Variants in EIF5B observed in about 807,000 individuals in gnomAD.
EIF5B encodes eukaryotic translation initiation factor 5B, also known as eIF-5B.
A neutral mutation model predicts 147.5 loss-of-function variants in EIF5B; 47 were observed. The ratio of observed to expected loss-of-function variants is 0.32; its 90% CI spans 0.25 to 0.41. The LOEUF (loss-of-function observed/expected upper bound fraction) is 0.41. Ranked by LOEUF, EIF5B falls within the 10% of genes least tolerant of loss-of-function variation. EIF5B has a pLI of 1.00. For missense variants in EIF5B, 1,064 were observed against 1,413.2 expected (o/e 0.75, Z 3.96); for synonymous variants, 455 against 456.2 (o/e 1.00, Z 0.03).
intron 1 of EIF5B, among the ~76,000 whole-genome samples, chr2:99,341,838 A>C (rs1574915641): frequency 1.3e-5 from 2 of 152,374 alleles, no homozygotes; most frequent in East Asian, 1.9e-4. Context: ...CTTCACTATT[A>C]TATGACTTAA....
At chr2:99,376,208 G>A in intron 9 of EIF5B, 139 bp from the exon 10 acceptor site, 1 of 547,786 alleles carries the variant, frequency 1.8e-6, no homozygotes, top group Non-Finnish European at 3.2e-6. Context: ...TGTATTTTAT[G>A]TGTGGCCCAA....
chr2:99,384,058 G>A (rs568905755), intron 14 of EIF5B, among the ~76,000 whole-genome samples: 3 of 151,586 alleles, frequency 2.0e-5, no homozygotes, highest in South Asian at 2.1e-4. Flanking sequence ...TTAGCCGGGC[G>A]TAGTGGCGGG....
chr2:99,357,090 C>T (rs1180122636), intron 1 of EIF5B, among the ~76,000 whole-genome samples: 3 of 152,178 alleles, frequency 2.0e-5, no homozygotes, highest in Non-Finnish European at 4.4e-5. Flanking sequence ...GCTGCCTGGT[C>T]TGTTGCCTTG....
intron 12 of EIF5B, among the ~76,000 whole-genome samples, chr2:99,381,518 GGTGT>G (rs56686088): frequency 3.2e-4 from 46 of 142,988 alleles, no homozygotes; most frequent in Non-Finnish European, 5.5e-4. Context: ...ACAAAAAGGG[GGTGT>G]GTGTGTGTGT....
chr2:99,353,005 C>CTTTTTTTTTTTTTTTT lies in EIF5B; in HGVS notation c.36-7219_36-7204dup, dbSNP rs529053292. 2.4e-3 allele frequency among the ~76,000 whole-genome samples: 150 copies of CTTTTTTTTTTTTTTTT among 62,854 alleles called. 11 individuals carry two copies. The highest frequency in any genetic ancestry group is 3.4e-3 in the South Asian group (4 of 1,184). The allele number at this position is 62,854 out of a possible 152,430, so 41.2% of individuals were successfully genotyped here. ...GCCTGGCTAATTTTTTCTTCTTCTT[C>CTTTTTTTTTTTTTTTT]TTTTTTTTTTTTTTTTTTTTTTTTT... On this transcript the variant is annotated intron_variant, in intron 1 of 23. Coordinates refer to ENST00000289371, the MANE Select transcript of EIF5B (RefSeq NM_015904.4).
intron 1 of EIF5B, among the ~76,000 whole-genome samples, chr2:99,343,325 A>G (rs2094264873): frequency 6.6e-6 from 1 of 151,294 alleles, no homozygotes; most frequent in African/African-American, 2.4e-5. Context: ...CTTATCAGAT[A>G]TATGATTTGC....
In EIF5B at chr2:99,376,648, A is replaced by G. The variant is rs1559254507; in HGVS notation, c.1842+12A>G. 6.3e-7 allele frequency: 1 copy of G among 1,583,764 alleles called. No homozygotes were observed. Among genetic ancestry groups the G allele is most frequent in the African/African-American group, 1.4e-5 (1 of 73,490 alleles). On this transcript the variant is annotated intron_variant, in intron 10 of 23. Coordinates refer to ENST00000289371, the MANE Select transcript of EIF5B (RefSeq NM_015904.4). Reference sequence around the variant, plus strand: ...AACGGAGGATTGAGGTATTTATTTTACCGTTTCTCTCTACTTTTCTTCCCA... The same window carrying G: ...AACGGAGGATTGAGGTATTTATTTTGCCGTTTCTCTCTACTTTTCTTCCCA...
chr2:99,390,385 G>C lies in EIF5B; in HGVS notation c.2570G>C (p.Arg857Thr). 1 of 1,612,216 alleles carries C rather than the reference G, an allele frequency of 6.2e-7. No homozygotes were observed. The highest frequency in any genetic ancestry group is 8.5e-7 in the Non-Finnish European group (1 of 1,179,694). Residue 857 changes from arginine to threonine, a missense_variant, in exon 16 of 24, where the codon AGA becomes ACA. Arg to Thr is a moderately conservative substitution (Grantham distance 71). Coordinates refer to ENST00000289371, the MANE Select transcript of EIF5B (RefSeq NM_015904.4). ...SKRLAHCEEL[R>T]AQVMEVKALP... Reference sequence around the variant, plus strand: ...AGACTTGCACACTGTGAAGAGCTGAGAGCACAGGTGATGGAGGTAATGATC... The same window carrying C: ...AGACTTGCACACTGTGAAGAGCTGACAGCACAGGTGATGGAGGTAATGATC...
intron 18 of EIF5B, 77 bp from the exon 19 acceptor site, chr2:99,394,190 G>A (rs1437057708): frequency 1.2e-5 from 19 of 1,523,672 alleles, no homozygotes; most frequent in Non-Finnish European, 1.7e-5. Flanking sequence ...TAACCAAAGA[G>A]AGAAACACAA....
intron 9 of EIF5B, among the ~76,000 whole-genome samples, chr2:99,371,953 A>G (rs1674459880): frequency 1.3e-5 from 2 of 150,118 alleles, no homozygotes; most frequent in Non-Finnish European, 1.5e-5. Flanking sequence ...ATAGCTGCCT[A>G]AGGTTTAGAA....
At position 99,399,839 on chromosome 2, in the gene EIF5B, T is replaced by G. The variant is rs1371052504; in HGVS notation, c.*425T>G. Reference sequence around the variant, plus strand: ...TTGACGTAAGAAATACTTCTTTATTTATGCATATTCTTCCCACAGTGATTT... The same window carrying G: ...TTGACGTAAGAAATACTTCTTTATTGATGCATATTCTTCCCACAGTGATTT... On this transcript the variant is annotated 3_prime_UTR_variant, in exon 24 of 24. Transcript: ENST00000289371. 6.4e-6 allele frequency: 1 copy of G among 156,170 alleles called. No homozygotes were observed. Among genetic ancestry groups the G allele is most frequent in the African/African-American group, 2.4e-5 (1 of 41,534 alleles). 9.7% of individuals were successfully genotyped at this position (156,170 alleles called of 1,614,324 possible).
chr2:99,381,990 T>G (rs1257096447), intron 12 of EIF5B, among the ~76,000 whole-genome samples, 169 bp from the exon 13 acceptor site: 7 of 152,202 alleles, frequency 4.6e-5, no homozygotes, highest in African/African-American at 1.7e-4. Context: ...TGGATTTTAA[T>G]GAAAATACTG....
chr2:99,372,431 C>A (rs942220767), intron 9 of EIF5B, among the ~76,000 whole-genome samples: 1 of 152,138 alleles, frequency 6.6e-6, no homozygotes, highest in Admixed American at 6.5e-5. Context: ...CTCCACCTCC[C>A]GGGTTCAAGC....
At chr2:99,375,483 G>A (rs1674545231) in intron 9 of EIF5B, among the ~76,000 whole-genome samples, 2 of 152,164 alleles carry the variant, frequency 1.3e-5, no homozygotes, top group Admixed American at 1.3e-4. Flanking sequence ...CCCACAGTAA[G>A]GGTGTAACCC....
At position 99,392,981 on chromosome 2, in the gene EIF5B, G is replaced by A; in HGVS notation, c.2763G>A (p.Lys921=). ...KELRVKNQYE[K]HKEVEAAQGV... ...TATCTCTGTAGAACCAGTATGAAAA[G>A]CATAAAGAAGTAGAAGCAGCTCAGG... The change falls in exon 18 of 24, where the codon AAG becomes AAA. Residue 921 remains lysine (K), a synonymous_variant. Transcript: ENST00000289371. 3.2e-6 allele frequency: 5 copies of A among 1,547,058 alleles called. No homozygotes were observed. The highest frequency in any genetic ancestry group is 1.3e-5 in the South Asian group (1 of 79,772).
chr2:99,376,308 T>G, intron 9 of EIF5B, 39 bp from the exon 10 acceptor site: 1 of 1,238,316 alleles, frequency 8.1e-7, no homozygotes. Context: ...ATCTATCATA[T>G]TAATGTTTAT....
chr2:99,398,247 C>G (rs1559262814), intron 22 of EIF5B: 1 of 152,696 alleles, frequency 6.5e-6, no homozygotes, highest in Non-Finnish European at 1.5e-5. Context: ...CCTGTTTTCA[C>G]TCTTACTCTC....
chr2:99,339,881 GT>G (rs756982064), intron 1 of EIF5B, among the ~76,000 whole-genome samples: 8 of 152,108 alleles, frequency 5.3e-5, no homozygotes, highest in African/African-American at 1.4e-4. Flanking sequence ...AAGAAATGCT[GT>G]TTTTTCCCCC....
chr2:99,342,224 A>T (rs2094261310), intron 1 of EIF5B, among the ~76,000 whole-genome samples: 1 of 151,990 alleles, frequency 6.6e-6, no homozygotes, highest in Non-Finnish European at 1.5e-5. Context: ...TAACAATTTG[A>T]GATTTTTCCT....
Sources: allele counts gnomAD v4.1 joint callset (sites outside exome capture counted in the v4.1 genomes callset), GRCh38; gene constraint gnomAD v4.1.1; transcripts MANE v1.5; gene names NCBI Gene and HGNC (gene_info 2026-07-23, HGNC 2026-07-21).